PDZRN3: variants seen among roughly 807,000 people sequenced by gnomAD.
The protein encoded by PDZRN3 is E3 ubiquitin-protein ligase PDZRN3.
A neutral mutation model predicts 85.7 loss-of-function variants in PDZRN3; 38 were observed. The ratio of observed to expected loss-of-function variants is 0.44; its 90% CI spans 0.34 to 0.58. The LOEUF is 0.58. PDZRN3 is among the 20% of genes least tolerant of loss of function. PDZRN3 has a pLI of 0.01. For synonymous variants in PDZRN3, 759 were observed against 638.0 expected (o/e 1.19, Z -2.86); for missense variants, 1,629 against 1,506.4 (o/e 1.08, Z -1.35).
At chr3:73,541,861 A>G (rs1232172617) in intron 3 of PDZRN3, among the ~76,000 whole-genome samples, 1 of 151,964 alleles carries the variant, frequency 6.6e-6, no homozygotes, top group East Asian at 1.9e-4. Context: ...CCACTTTCCA[A>G]TTTTCTCATA....
intron 3 of PDZRN3, among the ~76,000 whole-genome samples, chr3:73,427,342 T>G (rs1702336733): frequency 6.6e-6 from 1 of 152,198 alleles, no homozygotes; most frequent in African/African-American, 2.4e-5. Flanking sequence ...TGTTCCCTGC[T>G]TAATTCCACA....
At chr3:73,419,508 A>G (rs1053128085) in intron 3 of PDZRN3, among the ~76,000 whole-genome samples, 4 of 152,222 alleles carry the variant, frequency 2.6e-5, no homozygotes, top group African/African-American at 9.6e-5. Flanking sequence ...GGCAGAGAAC[A>G]GCCACCAGGA....
At chr3:73,453,470 T>C (rs1413232847) in intron 3 of PDZRN3, among the ~76,000 whole-genome samples, 2 of 150,456 alleles carry the variant, frequency 1.3e-5, no homozygotes, top group African/African-American at 4.9e-5. Flanking sequence ...TGTTAATTCC[T>C]GAACAGTCCA....
chr3:73,525,718 C>T (rs1166101479), intron 3 of PDZRN3, among the ~76,000 whole-genome samples: 1 of 152,168 alleles, frequency 6.6e-6, no homozygotes, highest in East Asian at 1.9e-4. Context: ...CATGGTGGTC[C>T]CCCTGCCAAG....
chr3:73,593,124 C>A (rs1289814128), intron 3 of PDZRN3, among the ~76,000 whole-genome samples: 1 of 151,074 alleles, frequency 6.6e-6, no homozygotes, highest in Non-Finnish European at 1.5e-5. Context: ...GGTTACTGCT[C>A]TCAAAACCCC....
At chr3:73,547,693 T>C (rs1701457659) in intron 3 of PDZRN3, among the ~76,000 whole-genome samples, 1 of 152,152 alleles carries the variant, frequency 6.6e-6, no homozygotes, top group South Asian at 2.1e-4. Flanking sequence ...GGGGTGTAAG[T>C]GGGATTAGTG....
chr3:73,583,705 C>A (rs1325958633), intron 3 of PDZRN3, among the ~76,000 whole-genome samples: 1 of 152,166 alleles, frequency 6.6e-6, no homozygotes, highest in Non-Finnish European at 1.5e-5. Flanking sequence ...CAGTACCTCA[C>A]ACAATCTGTC....
intron 3 of PDZRN3, among the ~76,000 whole-genome samples, chr3:73,581,351 C>A (rs1342920734): frequency 1.3e-5 from 2 of 152,170 alleles, no homozygotes; most frequent in African/African-American, 2.4e-5. Flanking sequence ...CTTTCAATAA[C>A]CAGCCTTGGA....
chr3:73,451,089 AC>A (rs911272424), intron 3 of PDZRN3, among the ~76,000 whole-genome samples: 2 of 152,158 alleles, frequency 1.3e-5, no homozygotes, highest in African/African-American at 4.8e-5. Flanking sequence ...TTGACATCTC[AC>A]TTCAGAAGAC....
chr3:73,544,015 C>T (rs1282958419), intron 3 of PDZRN3, among the ~76,000 whole-genome samples: 1 of 152,232 alleles, frequency 6.6e-6, no homozygotes, highest in Admixed American at 6.5e-5. Flanking sequence ...AGTTTGAGAC[C>T]AGCCTGGCCA....
intron 1 of PDZRN3, among the ~76,000 whole-genome samples, chr3:73,610,216 G>T (rs1201722293): frequency 1.3e-5 from 2 of 152,130 alleles, no homozygotes. Context: ...GGACAACACA[G>T]CATTCATTTC....
At chr3:73,491,592 C>CTTTTTTT (rs367581488) in intron 3 of PDZRN3, among the ~76,000 whole-genome samples, 9,464 of 117,446 alleles carry the variant, frequency 0.081, 670 homozygotes, top group South Asian at 0.26. Flanking sequence ...GTGGAAGGTT[C>CTTTTTTT]CTTTTTTTTT....
intron 3 of PDZRN3, among the ~76,000 whole-genome samples, chr3:73,433,380 T>A (rs1346708248): frequency 6.6e-6 from 1 of 152,252 alleles, no homozygotes. Flanking sequence ...AGGAGCCTTG[T>A]GACAAGACTG....
At chr3:73,491,455 G>T (rs1243332819) in intron 3 of PDZRN3, among the ~76,000 whole-genome samples, 1 of 152,110 alleles carries the variant, frequency 6.6e-6, no homozygotes. Flanking sequence ...TGCCAGTTAG[G>T]TTTTGCATCC....
chr3:73,408,964 A>G (rs1249347863), intron 3 of PDZRN3, among the ~76,000 whole-genome samples: 1 of 152,218 alleles, frequency 6.6e-6, no homozygotes, highest in Non-Finnish European at 1.5e-5. Context: ...GGCCCGGTCA[A>G]ATTCAATATC....
At position 73,391,088 on chromosome 3, in the gene PDZRN3, T is replaced by C; in HGVS notation, c.1283A>G (p.Gln428Arg). ...GCACACAGTGAGGCCCAGCTTGTCC[T>C]GGCTGTTCATTCTGTAGAGGTCCAC... ...EEVDLYRMNS[Q>R]DKLGLTVCYR... Residue 428 changes from glutamine to arginine, a missense_variant, in exon 6 of 10, where the codon CAG (glutamine) becomes CGG (arginine). Transcript: ENST00000263666. The C allele has an allele frequency of 5.6e-6, 9 of 1,613,874 alleles. No individual in the cohort carries two copies. Among genetic ancestry groups the C allele is most frequent in the Non-Finnish European group, 7.6e-6 (9 of 1,179,724 alleles).
At chr3:73,592,603 C>T (rs964037153) in intron 3 of PDZRN3, among the ~76,000 whole-genome samples, 1 of 152,178 alleles carries the variant, frequency 6.6e-6, no homozygotes, top group Admixed American at 6.5e-5. Flanking sequence ...TAGATTTAAA[C>T]AGGGTAAGAG....
At chr3:73,522,304 G>A (rs1465197539) in intron 3 of PDZRN3, among the ~76,000 whole-genome samples, 1 of 152,192 alleles carries the variant, frequency 6.6e-6, no homozygotes, top group Non-Finnish European at 1.5e-5. Flanking sequence ...TTCCTCACAA[G>A]TGGAATTCTT....
intron 3 of PDZRN3, among the ~76,000 whole-genome samples, chr3:73,585,930 C>T (rs1702270913): frequency 6.6e-6 from 1 of 152,186 alleles, no homozygotes; most frequent in Non-Finnish European, 1.5e-5. Flanking sequence ...CTTACACTGT[C>T]TTGCATGGAA....
Sources: allele counts gnomAD v4.1 joint callset (sites outside exome capture counted in the v4.1 genomes callset), GRCh38; gene constraint gnomAD v4.1.1; transcripts MANE v1.5; gene names NCBI Gene and HGNC (gene_info 2026-07-23, HGNC 2026-07-21).